SESTD1: variants seen among roughly 807,000 people sequenced by gnomAD.
SESTD1 encodes the protein SEC14 domain and spectrin repeat-containing protein 1.
Under a neutral mutation model 101.7 loss-of-function variants are expected in SESTD1, and 43 were observed. That is an observed-to-expected ratio of 0.42 (90% CI 0.33 to 0.55). SESTD1 has a LOEUF of 0.55. SESTD1 is among the 20% of genes least tolerant of loss of function. SESTD1 has a pLI of 0.07. For missense variants in SESTD1, 647 were observed against 815.1 expected, an observed-to-expected ratio of 0.79 and a Z score of 2.51; for synonymous variants, 283 against 286.8, an observed-to-expected ratio of 0.99 and a Z score of 0.13.
chr2:179,196,017 G>T (rs988122951), intron 1 of SESTD1, among the ~76,000 whole-genome samples: 10 of 152,136 alleles, frequency 6.6e-5, no homozygotes, highest in African/African-American at 2.4e-4. Flanking sequence ...CAGAATACGG[G>T]TGATTTCTGC....
chr2:179,183,560 G>A (rs1303281273), intron 2 of SESTD1, among the ~76,000 whole-genome samples: 1 of 151,962 alleles, frequency 6.6e-6, no homozygotes, highest in African/African-American at 2.4e-5. Flanking sequence ...AAATATTTAG[G>A]AGATAAGAAA....
chr2:179,126,588 T>TTAAA lies in SESTD1; in HGVS notation c.973-2034_973-2031dup, dbSNP rs1172059649. 2.6e-5 allele frequency among the ~76,000 whole-genome samples: 4 copies of TTAAA among 152,270 alleles called. No homozygotes were observed. The East Asian group carries it at 7.7e-4, about 29-fold the overall frequency. ...AAGAATTACCAAATTAATATAGGCTTTAAATATATCTATAGGCTAAGAACT... is the reference window on the plus strand; with the variant it reads ...AAGAATTACCAAATTAATATAGGCTTTAAATAAATATATCTATAGGCTAAGAACT... On this transcript the variant is annotated intron_variant, in intron 10 of 17. Transcript: ENST00000428443.
intron 9 of SESTD1, among the ~76,000 whole-genome samples, chr2:179,139,008 T>C (rs555339667): frequency 9.9e-5 from 15 of 152,276 alleles, no homozygotes; most frequent in African/African-American, 3.6e-4. Flanking sequence ...AACAATTATG[T>C]AATCCTCATT....
At chr2:179,121,736 T>TTTTAGTAAAAAGTAA in intron 13 of SESTD1, 34 bp downstream of exon 13, 1 of 1,517,576 alleles carries the variant, frequency 6.6e-7, no homozygotes, top group Non-Finnish European at 8.8e-7. Context: ...ATTGTTATTA[T>TTTTAGTAAAAAGTAA]TTTAGTAAAA....
At chr2:179,199,031 A>T (rs184501187) in intron 1 of SESTD1, among the ~76,000 whole-genome samples, 1 of 152,344 alleles carries the variant, frequency 6.6e-6, no homozygotes, top group East Asian at 1.9e-4. Context: ...GTTTTTTGAC[A>T]GGATCAACAA....
intron 10 of SESTD1, among the ~76,000 whole-genome samples, chr2:179,130,108 CA>C (rs1319981407): frequency 1.3e-5 from 2 of 152,092 alleles, no homozygotes; most frequent in Non-Finnish European, 2.9e-5. Flanking sequence ...TGTATATGTA[CA>C]TTCCTAAGTA....
intron 3 of SESTD1, among the ~76,000 whole-genome samples, chr2:179,182,040 T>A (rs1021298572): frequency 6.0e-5 from 9 of 151,188 alleles, no homozygotes; most frequent in African/African-American, 2.2e-4. Flanking sequence ...TAGAACACTA[T>A]TGGATGCAGG....
intron 5 of SESTD1, among the ~76,000 whole-genome samples, chr2:179,164,105 A>G (rs1274402659): frequency 6.6e-6 from 1 of 152,172 alleles, no homozygotes; most frequent in Non-Finnish European, 1.5e-5. Flanking sequence ...ATGTGTGTAT[A>G]TATGTTCATA....
chr2:179,238,558 C>A (rs1327985378), intron 1 of SESTD1, among the ~76,000 whole-genome samples: 1 of 152,130 alleles, frequency 6.6e-6, no homozygotes, highest in Non-Finnish European at 1.5e-5. Flanking sequence ...TATGAAGCAT[C>A]AGCCCCTTTG....
intron 1 of SESTD1, among the ~76,000 whole-genome samples, chr2:179,229,013 C>T (rs2046934565): frequency 6.6e-6 from 1 of 152,026 alleles, no homozygotes; most frequent in African/African-American, 2.4e-5. Flanking sequence ...CTCAAGAAGA[C>T]CACTCATAGA....
rs186894511 is a variant in SESTD1 at position 179,261,841 on chromosome 2, C to T, written c.-26+2658G>A. ...GTTCCTCAGAAAGTAAACAGAATTA[C>T]CATATAACCCAGCAATTACACATCT... On this transcript the variant is annotated intron_variant, in intron 1 of 17. Transcript: ENST00000428443. Among the ~76,000 whole-genome samples, 326 of 152,186 alleles carry T rather than the reference C, an allele frequency of 2.1e-3. 4 individuals carry two copies. The highest frequency in any genetic ancestry group is 1.2e-3 in the Non-Finnish European group (84 of 67,994).
chr2:179,179,293 A>T (rs1210854399), intron 3 of SESTD1, among the ~76,000 whole-genome samples: 1 of 152,164 alleles, frequency 6.6e-6, no homozygotes, highest in East Asian at 1.9e-4. Context: ...CTATACTTTA[A>T]GAACAGTAAT....
chr2:179,119,508 AGGAGGAGCC>A (rs1284342674), intron 13 of SESTD1, among the ~76,000 whole-genome samples: 1 of 152,146 alleles, frequency 6.6e-6, no homozygotes, highest in African/African-American at 2.4e-5. Context: ...CCAATATTGG[AGGAGGAGCC>A]TGGTGGGATG....
intron 1 of SESTD1, among the ~76,000 whole-genome samples, chr2:179,229,680 AC>A (rs1357924983): frequency 1.3e-5 from 2 of 150,438 alleles, no homozygotes; most frequent in African/African-American, 2.4e-5. Context: ...GAAAAAAGAA[AC>A]GAAAAAGAAA....
At chr2:179,113,900 C>T (rs868699870) in intron 16 of SESTD1, among the ~76,000 whole-genome samples, 1 of 150,324 alleles carries the variant, frequency 6.7e-6, no homozygotes, top group Non-Finnish European at 1.5e-5. Flanking sequence ...TGGTGCTAGA[C>T]ATTGGGCCAA....
intron 5 of SESTD1, among the ~76,000 whole-genome samples, chr2:179,163,153 A>G (rs767251141): frequency 1.3e-5 from 2 of 152,132 alleles, no homozygotes; most frequent in Non-Finnish European, 2.9e-5. Context: ...TCCTATAAAA[A>G]CCTGCAATTC....
chr2:179,183,993 C>T (rs1158822093), intron 2 of SESTD1, among the ~76,000 whole-genome samples: 1 of 151,982 alleles, frequency 6.6e-6, no homozygotes, highest in African/African-American at 2.4e-5. Context: ...TCTGAGTTAA[C>T]TCACAAAGGT....
chr2:179,149,696 C>T (rs1409754954), intron 6 of SESTD1, among the ~76,000 whole-genome samples: 1 of 152,192 alleles, frequency 6.6e-6, no homozygotes, highest in African/African-American at 2.4e-5. Context: ...ACAGTTCTAA[C>T]TACATACATG....
At chr2:179,188,568 G>A (rs1206127871) in intron 2 of SESTD1, among the ~76,000 whole-genome samples, 1 of 152,032 alleles carries the variant, frequency 6.6e-6, no homozygotes, top group Non-Finnish European at 1.5e-5. Context: ...AAGCTCAGGA[G>A]GTCAAAGCTG....
Sources: allele counts gnomAD v4.1 joint callset (sites outside exome capture counted in the v4.1 genomes callset), GRCh38; gene constraint gnomAD v4.1.1; transcripts MANE v1.5; gene names NCBI Gene and HGNC (gene_info 2026-07-23, HGNC 2026-07-21).